Variants in NUP43 observed in about 807,000 individuals in gnomAD.
The protein encoded by NUP43 is nucleoporin Nup43.
In NUP43, 32 loss-of-function variants were observed where a neutral mutation model predicts 47.3. The observed-to-expected ratio is 0.68, with a 90% CI of 0.51 to 0.91. The LOEUF (loss-of-function observed/expected upper bound fraction) is 0.91. Among genes scored for constraint, NUP43 ranks in the 40% least tolerant of loss-of-function variants. NUP43 has a pLI of 0.00. For missense variants in NUP43, 444 were observed against 453.9 expected (o/e 0.98, Z 0.20); for synonymous variants, 147 against 158.4 (o/e 0.93, Z 0.54).
Position 149,738,692 on chromosome 6 carries a change from T to G in NUP43, c.589A>C (p.Ile197Leu). ...LTVNSIGQLK[I>L]WDFRQQGNEP... ...TTTCCTTGTTGTCTGAAATCCCATATTTTCAACTGTCCAATTGAATTTACA... is the reference window on the plus strand; with the variant it reads ...TTTCCTTGTTGTCTGAAATCCCATAGTTTCAACTGTCCAATTGAATTTACA... Residue 197 changes from isoleucine to leucine, a missense_variant, in exon 5 of 8, where the codon ATA becomes CTA. Ile to Leu is a conservative substitution (Grantham distance 5). Transcript: ENST00000340413. 6.3e-7 allele frequency: 1 copy of G among 1,594,934 alleles called. No individual in the cohort carries two copies. Among genetic ancestry groups the G allele is most frequent in the Non-Finnish European group, 8.5e-7 (1 of 1,171,874 alleles).
At chr6:149,730,446 A>T (rs546847160) in intron 7 of NUP43, among the ~76,000 whole-genome samples, 21 of 152,342 alleles carry the variant, frequency 1.4e-4, no homozygotes, top group African/African-American at 5.0e-4. Context: ...GGTTAATGGC[A>T]CTCACAAAGG....
intron 2 of NUP43, 122 bp from the exon 3 acceptor site, chr6:149,743,837 G>A: frequency 8.3e-6 from 5 of 603,544 alleles, no homozygotes; most frequent in Non-Finnish European, 1.5e-5. Flanking sequence ...AGAGCCATGA[G>A]TGCTAAGGAA....
Position 149,731,797 on chromosome 6 carries a change from C to A in NUP43, c.791-62G>T, listed in dbSNP as rs1785060370. ...GATTCGCTGAACAAACAACATTAAA[C>A]CCCCATCTCTAGGCATCATCTTCCA... On this transcript the variant is annotated intron_variant, in intron 6 of 7. Transcript: ENST00000340413. 9.0e-6 allele frequency: 14 copies of A among 1,562,910 alleles called. 1 individual carries two copies. In the South Asian group the frequency reaches 1.6e-4, roughly 18 times the overall value.
Position 149,726,654 on chromosome 6 carries a change from A to T in NUP43, c.*315T>A. 1 of 340,802 alleles carries T rather than the reference A, an allele frequency of 2.9e-6. No homozygotes were observed. Among genetic ancestry groups the T allele is most frequent in the South Asian group, 3.1e-5 (1 of 31,948 alleles). The allele number at this position is 340,802 out of a possible 1,614,324, so 21.1% of individuals were successfully genotyped here. ...CACCATTGATGTGTTAATTCCCACA[A>T]CATCAAAAATAAAGAATTAGTTCCA... is the stretch of plus-strand genomic sequence containing the variant. On this transcript the variant is annotated 3_prime_UTR_variant, in exon 8 of 8. Transcript: ENST00000340413.
chr6:149,747,395 C>T (rs1215840290), upstream of NUP43, among the ~76,000 whole-genome samples: 7 of 152,020 alleles, frequency 4.6e-5, no homozygotes, highest in South Asian at 1.2e-3. Flanking sequence ...GTGATTCTCC[C>T]ACCTCAGCTT....
intron 2 of NUP43, 30 bp downstream of exon 2, chr6:149,745,910 A>G: frequency 6.3e-7 from 1 of 1,584,014 alleles, no homozygotes. Context: ...GGACTTTCAA[A>G]GTTAGCTTTT....
Position 149,726,945 on chromosome 6 carries a change from T to C in NUP43, c.*24A>G. On this transcript the variant is annotated 3_prime_UTR_variant, in exon 8 of 8. Transcript: ENST00000340413. ...CAAAAGGCTAATTGCATGTTCTATC[T>C]GAAATCTTATAATTATAGTACTTCT... 6.3e-7 allele frequency: 1 copy of C among 1,576,760 alleles called. No homozygotes were observed. Among genetic ancestry groups the C allele is most frequent in the South Asian group, 1.1e-5 (1 of 89,748 alleles).
chr6:149,740,949 C>G (rs1244223577), intron 4 of NUP43, among the ~76,000 whole-genome samples: 1 of 152,038 alleles, frequency 6.6e-6, no homozygotes, highest in Non-Finnish European at 1.5e-5. Flanking sequence ...CTGCCTCTGG[C>G]CTATTCCCTT....
intron 2 of NUP43, among the ~76,000 whole-genome samples, chr6:149,745,512 A>G (rs911287632): frequency 6.6e-6 from 1 of 152,176 alleles, no homozygotes; most frequent in African/African-American, 2.4e-5. Context: ...AAACGGGAGC[A>G]CTAATCTCTA....
At chr6:149,728,665 C>T (rs1400157117) in intron 7 of NUP43, among the ~76,000 whole-genome samples, 1 of 152,158 alleles carries the variant, frequency 6.6e-6, no homozygotes, top group Non-Finnish European at 1.5e-5. Context: ...AAGTCCTTAT[C>T]ATGGGCTACA....
intron 3 of NUP43, among the ~76,000 whole-genome samples, chr6:149,743,365 C>T (rs1040039548): frequency 1.3e-5 from 2 of 151,806 alleles, no homozygotes; most frequent in African/African-American, 2.4e-5. Context: ...TTTGGGAGGC[C>T]GAAGAGGGCT....
intron 6 of NUP43, among the ~76,000 whole-genome samples, chr6:149,733,983 C>T (rs1431802322): frequency 1.3e-5 from 2 of 151,902 alleles, no homozygotes; most frequent in African/African-American, 4.8e-5. Context: ...TGCCACCACG[C>T]CCGGCTAATT....
chr6:149,731,316 T>C, intron 7 of NUP43: 1 of 217,340 alleles, frequency 4.6e-6, no homozygotes, highest in Non-Finnish European at 9.3e-6. Flanking sequence ...TCTCAGCACT[T>C]TGGGAGGCTG....
chr6:149,736,427 A>G (rs1305940595), intron 6 of NUP43, 44 bp downstream of exon 6: 4 of 1,469,782 alleles, frequency 2.7e-6, no homozygotes, highest in Non-Finnish European at 3.7e-6. Context: ...TATATGTCAT[A>G]TAACTCACCC....
chr6:149,736,695 GTTTT>G (rs1785378595), intron 5 of NUP43, 73 bp from the exon 6 acceptor site: 2 of 1,376,470 alleles, frequency 1.5e-6, no homozygotes, highest in Admixed American at 1.9e-5. Context: ...CAGGAAACAC[GTTTT>G]TTGTTTGTTT....
intron 7 of NUP43, among the ~76,000 whole-genome samples, chr6:149,730,464 T>C (rs1269731651): frequency 3.9e-5 from 6 of 152,226 alleles, no homozygotes; most frequent in Admixed American, 3.9e-4. Flanking sequence ...AGGAGAACCT[T>C]GGCTGTCTCA....
intron 3 of NUP43, among the ~76,000 whole-genome samples, chr6:149,743,176 A>T (rs75623975): frequency 6.7e-6 from 1 of 148,264 alleles, no homozygotes. Context: ...ACTCTGTCTC[A>T]AAAAAAAAAA....
At chr6:149,748,808 CAA>C (rs1161065299), upstream of NUP43, among the ~76,000 whole-genome samples, 8 of 87,344 alleles carry the variant, frequency 9.2e-5, no homozygotes, top group African/African-American at 2.6e-4. Context: ...GACTCCGTCT[CAA>C]AAAAAAAAAA....
intron 7 of NUP43, among the ~76,000 whole-genome samples, chr6:149,729,946 G>A (rs1219799912): frequency 2.0e-5 from 3 of 150,618 alleles, no homozygotes; most frequent in Admixed American, 6.6e-5. Context: ...CATAAACCCC[G>A]ATTACAAGTG....
Sources: gnomAD v4.1 joint callset for allele counts (sites outside exome capture counted in the v4.1 genomes callset) on GRCh38, gnomAD v4.1.1 for gene constraint, MANE v1.5 for transcripts, NCBI Gene and HGNC (gene_info 2026-07-23, HGNC 2026-07-21) for gene names.